The following TOMM20L variants were observed in gnomAD, a reference collection of about 807,000 sequenced individuals.
TOMM20L encodes the protein translocase of outer mitochondrial membrane 20 like, also known as TOMM20-like protein 1.
Under a neutral mutation model 20.4 loss-of-function variants are expected in TOMM20L, and 19 were observed. The observed-to-expected ratio is 0.93, with a 90% CI of 0.65 to 1.36. The LOEUF is 1.36. Ranked by LOEUF, TOMM20L falls within the 40% of genes most tolerant of loss-of-function variation. TOMM20L has a pLI of 0.00. For missense variants in TOMM20L, 218 were observed against 203.7 expected (o/e 1.07, Z -0.43); for synonymous variants, 75 against 79.6 (o/e 0.94, Z 0.30).
At chr14:58,403,774 C>G (rs1016874616) in intron 3 of TOMM20L, among the ~76,000 whole-genome samples, 2 of 151,404 alleles carry the variant, frequency 1.3e-5, no homozygotes, top group African/African-American at 4.9e-5. Flanking sequence ...GGAGGCGGAG[C>G]TTGCAGTGAG....
chr14:58,411,918 G>T, downstream of TOMM20L: 1 of 1,613,766 alleles, frequency 6.2e-7, no homozygotes, highest in Non-Finnish European at 8.5e-7. Context: ...TGTTTTATCT[G>T]ATCAGATTCT....
Position 58,407,441 on chromosome 14 carries a change from G to A in TOMM20L, c.378G>A (p.Leu126=). The A allele has an allele frequency of 1.9e-6, 3 of 1,612,460 alleles. No individual in the cohort carries two copies. Among genetic ancestry groups the A allele is most frequent in the Non-Finnish European group, 2.5e-6 (3 of 1,179,576 alleles). The change falls in exon 4 of 5, where the codon CTG becomes CTA. Residue 126 remains leucine (L), a synonymous_variant. Coordinates refer to ENST00000360945, the MANE Select transcript of TOMM20L (RefSeq NM_207377.3). Reference sequence around the variant, plus strand: ...TCCCTCCCAAGGTATTTGAGATGCTGTTGCACAAAATTCCCCTTATTTGCC... The same window carrying A: ...TCCCTCCCAAGGTATTTGAGATGCTATTGCACAAAATTCCCCTTATTTGCC... ...HTLPPKVFEM[L]LHKIPLICQQ...
At chr14:58,412,180 G>A, downstream of TOMM20L, 1 of 423,146 alleles carries the variant, frequency 2.4e-6, no homozygotes, top group Non-Finnish European at 4.3e-6. Flanking sequence ...GTCTCACTCT[G>A]TCACCAGGCT....
chr14:58,404,099 G>GTATATATATATATATATATATATA (rs1491246989), intron 3 of TOMM20L, among the ~76,000 whole-genome samples: 1 of 22,928 alleles, frequency 4.4e-5, no homozygotes, highest in African/African-American at 1.3e-4. Flanking sequence ...ACATATATAT[G>GTATATATATATATATATATATATA]TATATATATA....
intron 3 of TOMM20L, among the ~76,000 whole-genome samples, chr14:58,406,474 C>G (rs779643188): frequency 3.6e-4 from 55 of 152,156 alleles, no homozygotes; most frequent in Admixed American, 1.5e-3. Flanking sequence ...TTATACTTAC[C>G]TGTAGGGCCA....
downstream of TOMM20L, chr14:58,410,920 T>C: frequency 6.2e-7 from 1 of 1,612,598 alleles, no homozygotes; most frequent in Non-Finnish European, 8.5e-7. Flanking sequence ...TTATTGTAGG[T>C]CCCCAGAAAT....
At chr14:58,396,464 G>C in intron 2 of TOMM20L, 123 bp downstream of exon 2, 1 of 1,066,632 alleles carries the variant, frequency 9.4e-7, no homozygotes, top group Non-Finnish European at 1.4e-6. Context: ...TGCCCGGGAA[G>C]AGGCCTGCCC....
At chr14:58,407,240 T>C (rs2036073448) in intron 3 of TOMM20L, 86 bp from the exon 4 acceptor site, 1 of 1,363,546 alleles carries the variant, frequency 7.3e-7, no homozygotes, top group South Asian at 1.4e-5. Context: ...CTTTTAATTT[T>C]TAATGCTTGT....
intron 2 of TOMM20L, among the ~76,000 whole-genome samples, chr14:58,401,345 G>A (rs2035990114): frequency 6.6e-6 from 1 of 152,048 alleles, no homozygotes; most frequent in Admixed American, 6.6e-5. Flanking sequence ...GCCGAGGTGG[G>A]CGGATCACAA....
intron 3 of TOMM20L, among the ~76,000 whole-genome samples, chr14:58,405,030 G>A (rs1039572273): frequency 2.0e-5 from 3 of 150,422 alleles, no homozygotes; most frequent in Admixed American, 6.7e-5. Flanking sequence ...GTGCAATGGC[G>A]CCATCTCAGC....
chr14:58,410,468 C>T (rs140908109), downstream of TOMM20L, among the ~76,000 whole-genome samples: 3 of 152,096 alleles, frequency 2.0e-5, no homozygotes, highest in Non-Finnish European at 4.4e-5. Context: ...TATGAGCCAC[C>T]AAAGTCAAGC....
intron 4 of TOMM20L, among the ~76,000 whole-genome samples, chr14:58,407,869 C>T (rs928507268): frequency 2.6e-5 from 4 of 152,184 alleles, no homozygotes; most frequent in Admixed American, 6.5e-5. Flanking sequence ...TTCCATTTTA[C>T]TAAACTGCTT....
rs921654261 is a variant in TOMM20L, at chr14:58,407,335, G to C, written c.272G>C (p.Arg91Thr). The C allele has an allele frequency of 6.8e-6, 11 of 1,606,552 alleles. No individual in the cohort carries two copies. Among genetic ancestry groups the C allele is most frequent in the South Asian group, 4.5e-5 (4 of 89,700 alleles). ...GELWLSRGEH[R>T]MGIQHLGNAL... ...TGTCATTCTGTTTCAGGAGAGCACA[G>C]AATGGGGATTCAACACCTCGGCAAT... The change falls in exon 4 of 5, where the codon AGA becomes ACA. Residue 91 changes from arginine to threonine, a missense_variant. Coordinates refer to ENST00000360945, the MANE Select transcript of TOMM20L (RefSeq NM_207377.3).
In TOMM20L at chr14:58,408,556, G is replaced by T. The variant is rs1348505796; in HGVS notation, c.433G>T (p.Asp145Tyr). The change falls in exon 5 of 5, where the codon GAC becomes TAC. Residue 145 changes from aspartate to tyrosine, a missense_variant. Coordinates refer to ENST00000360945, the MANE Select transcript of TOMM20L (RefSeq NM_207377.3). The stretch of plus-strand genomic sequence containing the variant: ...ATTTGAGGCAGACATGAATGAACAG[G>T]ACTGCTTGGAGGATGATCCTGATTG... ...QQFEADMNEQ[D>Y]CLEDDPD 6.2e-7 allele frequency: 1 copy of T among 1,613,974 alleles called. No individual in the cohort carries two copies. Among genetic ancestry groups the T allele is most frequent in the Admixed American group, 1.7e-5 (1 of 59,972 alleles).
At chr14:58,403,288 T>A (rs1230916003) in intron 3 of TOMM20L, among the ~76,000 whole-genome samples, 2 of 151,830 alleles carry the variant, frequency 1.3e-5, no homozygotes, top group Non-Finnish European at 2.9e-5. Context: ...AGCCCAGGGG[T>A]TTGAGGTTGC....
the TOMM20L span, among the ~76,000 whole-genome samples, chr14:58,413,962 G>GC: frequency 8.7e-6 from 1 of 115,232 alleles, no homozygotes; most frequent in Non-Finnish European, 1.6e-5. Context: ...AGCCGAGATT[G>GC]CACCACTGCA....
chr14:58,396,966 T>C (rs1195844622), intron 2 of TOMM20L, among the ~76,000 whole-genome samples: 1 of 152,174 alleles, frequency 6.6e-6, no homozygotes, highest in Non-Finnish European at 1.5e-5. Flanking sequence ...TGGTGGCGTG[T>C]GCCTGTAGTC....
the TOMM20L span, among the ~76,000 whole-genome samples, chr14:58,415,658 A>G: frequency 2.0e-5 from 3 of 152,250 alleles, no homozygotes; most frequent in African/African-American, 7.2e-5. Context: ...TTCAACCTGA[A>G]TTACAGAGAA....
rs536048633 is a variant in TOMM20L at position 58,404,968 on chromosome 14, AT to A, written c.262+2224del. ...CATAGGCCTCTAAGGCCCCCTAGCAATTTTTTTTTTTTTTTTTGAGATGGAG... is the reference window on the plus strand; with the variant it reads ...CATAGGCCTCTAAGGCCCCCTAGCAATTTTTTTTTTTTTTTTGAGATGGAG... On this transcript the variant is annotated intron_variant, in intron 3 of 4. Coordinates refer to ENST00000360945, the MANE Select transcript of TOMM20L (RefSeq NM_207377.3). Among the ~76,000 whole-genome samples, 733 of 143,152 alleles carry A rather than the reference AT, an allele frequency of 5.1e-3. 3 individuals carry two copies. The highest frequency in any genetic ancestry group is 0.011 in the African/African-American group (431 of 39,198). 93.9% of individuals were successfully genotyped at this position (143,152 alleles called of 152,430 possible). A position where few individuals can be genotyped will look rare whatever the true frequency, so the allele number is the denominator to read the frequency against.
Sources: gnomAD v4.1 joint callset for allele counts (sites outside exome capture counted in the v4.1 genomes callset) on GRCh38, gnomAD v4.1.1 for gene constraint, MANE v1.5 for transcripts, NCBI Gene and HGNC (gene_info 2026-07-23, HGNC 2026-07-21) for gene names.